The following HSPA2 variants were observed in gnomAD, a reference collection of about 807,000 sequenced individuals.
HSPA2 encodes heat shock protein family A (Hsp70) member 2.
In HSPA2, 13 loss-of-function variants were observed where a neutral mutation model predicts 35.0. That is an observed-to-expected ratio of 0.37 (90% CI 0.24 to 0.59). HSPA2 has a LOEUF of 0.59. Ranked by LOEUF, HSPA2 falls within the 20% of genes least tolerant of loss-of-function variation. The probability of loss-of-function intolerance (pLI) is 0.70; values close to 1 mark genes in which losing one functional copy is unlikely to be tolerated. For missense variants in HSPA2, 565 were observed against 885.4 expected, an observed-to-expected ratio of 0.64 and a Z score of 4.59; for synonymous variants, 368 against 382.1, an observed-to-expected ratio of 0.96 and a Z score of 0.43.
chr14:64,537,746 T>A (rs1382337893), upstream of HSPA2, among the ~76,000 whole-genome samples: 2 of 140,828 alleles, frequency 1.4e-5, no homozygotes, highest in Non-Finnish European at 3.0e-5. Context: ...TTTTTTTTTT[T>A]AGACAGAGTC....
In HSPA2 at chr14:64,541,588, G is replaced by A. The variant is rs759211114; in HGVS notation, c.739G>A (p.Glu247Lys). 1 of 1,612,174 alleles carries A rather than the reference G, an allele frequency of 6.2e-7. No homozygotes were observed. The highest frequency in any genetic ancestry group is 1.7e-5 in the Admixed American group (1 of 60,020). ...DNRMVSHLAE[E>K]FKRKHKKDIG... ...CCGCATGGTGAGCCACCTGGCGGAG[G>A]AGTTCAAGCGCAAGCACAAGAAGGA... Residue 247 changes from glutamate (E) to lysine (K), a missense_variant, in exon 1 of 1, where the codon GAG becomes AAG. Transcript: ENST00000247207.
upstream of HSPA2, among the ~76,000 whole-genome samples, chr14:64,538,871 TC>T (rs1169867875): frequency 6.6e-6 from 1 of 152,252 alleles, no homozygotes; most frequent in African/African-American, 2.4e-5. Flanking sequence ...GGAGTCTCGT[TC>T]TGTCGCCCAG....
chr14:64,542,830 G>A lies in HSPA2; in HGVS notation c.*61G>A, dbSNP rs912567651. The A allele has an allele frequency of 2.7e-6, 4 of 1,493,342 alleles. No homozygotes were observed. Among genetic ancestry groups the A allele is most frequent in the African/African-American group, 2.9e-5 (2 of 70,144 alleles). The allele number at this position is 1,493,342 out of a possible 1,614,324, so 92.5% of individuals were successfully genotyped here. A position where few individuals can be genotyped will look rare whatever the true frequency, so the allele number is the denominator to read the frequency against. The stretch of plus-strand genomic sequence containing the variant: ...TCTCTCTCTCTCTTTTTTTTTGTTT[G>A]TTTCTTTGAAATGTCCTTGTGCCAA... On this transcript the variant is annotated 3_prime_UTR_variant, in exon 1 of 1. Coordinates refer to ENST00000247207, the MANE Select transcript of HSPA2 (RefSeq NM_021979.4). This position sits in a 1 kb window ranked among gnomAD's most constrained non-coding sequence, Gnocchi z 5.7.
Position 64,541,008 on chromosome 14 carries a change from C to T in HSPA2, c.159C>T (p.Gly53=), listed in dbSNP as rs150693771. The T allele has an allele frequency of 1.2e-4, 195 of 1,614,084 alleles. No homozygotes were observed. Among genetic ancestry groups the T allele is most frequent in the Non-Finnish European group, 1.5e-4 (180 of 1,180,046 alleles). ...TCACGGACACCGAGCGCCTCATCGG[C>T]GACGCCGCCAAGAACCAGGTGGCCA... The part of the protein sequence containing the change: ...VAFTDTERLI[G]DAAKNQVAMN... Residue 53 remains glycine, a synonymous_variant, in exon 1 of 1, where the codon GGC becomes GGT. Transcript: ENST00000247207.
chr14:64,537,599 C>A (rs1378655942), upstream of HSPA2, among the ~76,000 whole-genome samples: 2 of 151,308 alleles, frequency 1.3e-5, no homozygotes, highest in East Asian at 3.9e-4. Flanking sequence ...AAACAAATAC[C>A]CCCCACCCCC....
In HSPA2 at chr14:64,542,264, G is replaced by A; in HGVS notation, c.1415G>A (p.Arg472His). Residue 472 changes from arginine (R) to histidine (H), a missense_variant, in exon 1 of 1, where the codon CGC becomes CAC. Arg to His is a conservative substitution (Grantham distance 29). Coordinates refer to ENST00000247207, the MANE Select transcript of HSPA2 (RefSeq NM_021979.4). This position sits in a 1 kb window ranked among gnomAD's most constrained non-coding sequence, Gnocchi z 5.7. ...FDLTGIPPAP[R>H]GVPQIEVTFD... The stretch of plus-strand genomic sequence containing the variant: ...CTGACCGGGATTCCCCCTGCGCCTC[G>A]CGGGGTCCCCCAAATCGAGGTTACC... The A allele has an allele frequency of 6.2e-7, 1 of 1,613,964 alleles. No individual in the cohort carries two copies. The highest frequency in any genetic ancestry group is 8.5e-7 in the Non-Finnish European group (1 of 1,180,016).
Position 64,542,380 on chromosome 14 carries a change from G to A in HSPA2, c.1531G>A (p.Gly511Ser). The A allele has an allele frequency of 6.2e-7, 1 of 1,613,944 alleles. No individual in the cohort carries two copies. Among genetic ancestry groups the A allele is most frequent in the Non-Finnish European group, 8.5e-7 (1 of 1,180,014 alleles). The change falls in exon 1 of 1, where the codon GGT becomes AGT. Residue 511 changes from glycine (G) to serine (S), a missense_variant. By Grantham distance (56) the Gly-to-Ser change is moderately conservative. Around this residue, in one of 4 missense-constraint regions of HSPA2, gnomAD observed 234 missense variants for 419.0 expected, o/e 0.56. Transcript: ENST00000247207. The surrounding 1 kb of genome is among the most constrained non-coding windows in gnomAD (Gnocchi z 5.7). ...CAAAATCACCATCACCAATGACAAAGGTCGTCTGAGCAAGGACGACATTGA... is the reference window on the plus strand; with the variant it reads ...CAAAATCACCATCACCAATGACAAAAGTCGTCTGAGCAAGGACGACATTGA... ...ENKITITNDK[G>S]RLSKDDIDRM... is the part of the protein sequence containing the mutation.
chr14:64,540,437 C>G (rs991360165), upstream of HSPA2: 18 of 249,460 alleles, frequency 7.2e-5, no homozygotes. Flanking sequence ...AGCGCGTACA[C>G]CTGGCTCTGG....
chr14:64,538,759 A>G (rs923381465), upstream of HSPA2, among the ~76,000 whole-genome samples: 5 of 152,194 alleles, frequency 3.3e-5, no homozygotes, highest in Admixed American at 3.3e-4. Flanking sequence ...GTACCTGTTC[A>G]AGCTTGATGG....
upstream of HSPA2, among the ~76,000 whole-genome samples, chr14:64,538,947 A>T (rs1393708406): frequency 6.6e-6 from 1 of 151,764 alleles, no homozygotes; most frequent in East Asian, 1.9e-4. Flanking sequence ...CTGGGACTAC[A>T]GGCGCGCGCC....
chr14:64,541,843 G>A lies in HSPA2; in HGVS notation c.994G>A (p.Gly332Ser). 6.2e-7 allele frequency: 1 copy of A among 1,613,672 alleles called. No individual in the cohort carries two copies. The highest frequency in any genetic ancestry group is 8.5e-7 in the Non-Finnish European group (1 of 1,180,038). ...KALRDAKLDK[G>S]QIQEIVLVGG... ...GCTGCGCGACGCCAAGCTGGACAAG[G>A]GCCAGATCCAGGAGATCGTGCTGGT... is the stretch of plus-strand genomic sequence containing the variant. The change falls in exon 1 of 1, where the codon GGC becomes AGC. Residue 332 changes from glycine (G) to serine (S), a missense_variant. By Grantham distance (56) the Gly-to-Ser change is moderately conservative. Coordinates refer to ENST00000247207, the MANE Select transcript of HSPA2 (RefSeq NM_021979.4).
At chr14:64,538,840 T>C (rs140403801), upstream of HSPA2, among the ~76,000 whole-genome samples, 7 of 152,328 alleles carry the variant, frequency 4.6e-5, no homozygotes, top group Non-Finnish European at 1.0e-4. Context: ...CTGGAGACCA[T>C]TTATTTTATT....
Position 64,542,211 on chromosome 14 carries a change from G to A in HSPA2, c.1362G>A (p.Lys454=), listed in dbSNP as rs751570901. The change falls in exon 1 of 1, where the codon AAG becomes AAA. Residue 454 remains lysine (K), a synonymous_variant. Coordinates refer to ENST00000247207, the MANE Select transcript of HSPA2 (RefSeq NM_021979.4). The surrounding 1 kb of genome is among the most constrained non-coding windows in gnomAD (Gnocchi z 5.7). ...QVYEGERAMT[K]DNNLLGKFDL... ...ACGAGGGCGAACGGGCCATGACCAA[G>A]GACAATAACCTGCTGGGCAAGTTCG... 13 of 1,613,788 alleles carry A rather than the reference G, an allele frequency of 8.1e-6. No homozygotes were observed. In the East Asian group the frequency reaches 2.9e-4, roughly 36 times the overall value.
chr14:64,538,969 C>T (rs1286018910), upstream of HSPA2, among the ~76,000 whole-genome samples: 1 of 152,194 alleles, frequency 6.6e-6, no homozygotes, highest in Non-Finnish European at 1.5e-5. Flanking sequence ...CCACGCCCGG[C>T]TAATTTTTGT....
In HSPA2 at chr14:64,541,696, G is replaced by A; in HGVS notation, c.847G>A (p.Ala283Thr). 12 of 1,611,912 alleles carry A rather than the reference G, an allele frequency of 7.4e-6. No individual in the cohort carries two copies. The highest frequency in any genetic ancestry group is 9.3e-6 in the Non-Finnish European group (11 of 1,179,666). Residue 283 changes from alanine (A) to threonine (T), a missense_variant, in exon 1 of 1, where the codon GCG (alanine) becomes ACG (threonine). Ala to Thr is a moderately conservative substitution (Grantham distance 58). Coordinates refer to ENST00000247207, the MANE Select transcript of HSPA2 (RefSeq NM_021979.4). ...GCGCACCCTGAGCTCGTCCACGCAG[G>A]CGAGCATCGAGATCGACTCGCTCTA... Reference protein sequence around the residue: ...AKRTLSSSTQASIEIDSLYEG... With the variant: ...AKRTLSSSTQTSIEIDSLYEG...
upstream of HSPA2, among the ~76,000 whole-genome samples, chr14:64,539,623 C>A (rs1318223708): frequency 6.6e-6 from 1 of 152,180 alleles, no homozygotes; most frequent in African/African-American, 2.4e-5. Context: ...TCACGCGGCG[C>A]GGGAAAACGG....
In HSPA2 at chr14:64,542,251, C is replaced by T. The variant is rs1437641293; in HGVS notation, c.1402C>T (p.Pro468Ser). 1 of 1,613,950 alleles carries T rather than the reference C, an allele frequency of 6.2e-7. No homozygotes were observed. The highest frequency in any genetic ancestry group is 1.7e-5 in the Admixed American group (1 of 60,018). The change falls in exon 1 of 1, where the codon CCC becomes TCC. Residue 468 changes from proline (P) to serine (S), a missense_variant. By Grantham distance (74) the Pro-to-Ser change is moderately conservative (BLOSUM62 -1). Transcript: ENST00000247207. This position sits in a 1 kb window ranked among gnomAD's most constrained non-coding sequence, Gnocchi z 5.7. ...GGGCAAGTTCGACCTGACCGGGATT[C>T]CCCCTGCGCCTCGCGGGGTCCCCCA... ...LLGKFDLTGI[P>S]PAPRGVPQIE... is the part of the protein sequence containing the mutation.
upstream of HSPA2, among the ~76,000 whole-genome samples, chr14:64,537,729 C>CTTT (rs1454024408): frequency 1.0e-5 from 1 of 98,736 alleles, no homozygotes; most frequent in African/African-American, 3.0e-5. Flanking sequence ...ATTTTCTTTT[C>CTTT]TTTTTCTTTT....
rs771009265 is a variant in HSPA2 at position 64,541,665 on chromosome 14, C to G, written c.816C>G (p.Arg272=). 29 of 1,611,694 alleles carry G rather than the reference C, an allele frequency of 1.8e-5. No individual in the cohort carries two copies. The highest frequency in any genetic ancestry group is 2.3e-5 in the Non-Finnish European group (27 of 1,179,770). ...AVRRLRTACE[R]AKRTLSSSTQ... ...GGCGGCTGCGCACCGCTTGCGAGCG[C>G]GCCAAGCGCACCCTGAGCTCGTCCA... Residue 272 remains arginine, a synonymous_variant, in exon 1 of 1, where the codon CGC becomes CGG. Coordinates refer to ENST00000247207, the MANE Select transcript of HSPA2 (RefSeq NM_021979.4).
Sources: gnomAD v4.1 joint callset for allele counts (sites outside exome capture counted in the v4.1 genomes callset) on GRCh38, gnomAD v4.1.1 for gene constraint, gnomAD v4.1.1 regional missense constraint, Gnocchi (gnomAD v3.1) non-coding constraint, MANE v1.5 for transcripts, NCBI Gene and HGNC (gene_info 2026-07-23, HGNC 2026-07-21) for gene names.